The following FNDC3A variants were observed in gnomAD, a reference collection of about 807,000 sequenced individuals.
FNDC3A encodes the protein fibronectin type III domain containing 3A, also known as fibronectin type-III domain-containing protein 3A.
Under a neutral mutation model 148.9 loss-of-function variants are expected in FNDC3A, and 32 were observed. The observed-to-expected ratio is 0.21, with a 90% confidence interval of 0.16 to 0.29. FNDC3A has a LOEUF of 0.29. Ranked by LOEUF, FNDC3A falls within the 10% of genes least tolerant of loss-of-function variation. The pLI is 1.00. For synonymous variants in FNDC3A, 472 were observed against 473.6 expected (o/e 1.00, Z 0.04); for missense variants, 1,191 against 1,452.8 (o/e 0.82, Z 2.93).
chr13:49,158,953 G>A (rs1367529961), intron 8 of FNDC3A, among the ~76,000 whole-genome samples: 1 of 152,008 alleles, frequency 6.6e-6, no homozygotes, highest in African/African-American at 2.4e-5. Context: ...TATTTCTGAG[G>A]GCTCTGTTCT....
At position 49,158,242 on chromosome 13, in the gene FNDC3A, G is replaced by T. The variant is rs182147552; in HGVS notation, c.978-9002G>T. 2.8e-3 allele frequency among the ~76,000 whole-genome samples: 420 copies of T among 152,242 alleles called. 2 individuals carry two copies. The highest frequency in any genetic ancestry group is 4.6e-3 in the Non-Finnish European group (315 of 68,012). ...CTCGTGGTGCGCCGTTTTTTAAGCC[G>T]GTCGGAGAAGCGCAATATTCGGGAG... On this transcript the variant is annotated intron_variant, in intron 8 of 25. Coordinates refer to ENST00000492622, the MANE Select transcript of FNDC3A (RefSeq NM_001079673.2).
intron 2 of FNDC3A, among the ~76,000 whole-genome samples, chr13:49,049,991 A>G (rs113093055): frequency 2.0e-5 from 3 of 152,338 alleles, no homozygotes; most frequent in African/African-American, 7.2e-5. Flanking sequence ...AAGTGCTGAG[A>G]TTATAGGCGT....
intron 2 of FNDC3A, among the ~76,000 whole-genome samples, chr13:49,061,352 CCCTTACCTTCCCTTCCCTT>C (rs1876686952): frequency 1.5e-4 from 1 of 6,690 alleles, no homozygotes; most frequent in African/African-American, 1.0e-3. Flanking sequence ...CCCTTCCCTT[CCCTTACCTTCCCTTCCCTT>C]CCCTTCCCTT....
upstream of FNDC3A, chr13:48,975,887 T>G (rs1951588341): frequency 6.6e-6 from 1 of 151,152 alleles, no homozygotes; most frequent in Admixed American, 6.6e-5. Context: ...GCAGCCGCAC[T>G]CGGCGCGCCG....
chr13:49,157,650 T>C (rs1202801947), intron 8 of FNDC3A, among the ~76,000 whole-genome samples: 2 of 149,020 alleles, frequency 1.3e-5, no homozygotes, highest in Non-Finnish European at 3.0e-5. Context: ...ATCTTTGTGG[T>C]TTTATCTACT....
At chr13:49,134,745 T>C (rs147015537) in intron 5 of FNDC3A, among the ~76,000 whole-genome samples, 2 of 150,788 alleles carry the variant, frequency 1.3e-5, no homozygotes, top group African/African-American at 2.4e-5. Context: ...TCCCTAATGC[T>C]ACTAATGTTG....
At chr13:49,045,099 G>C (rs372855226) in intron 2 of FNDC3A, 6 of 132,886 alleles carry the variant, frequency 4.5e-5, no homozygotes, top group Non-Finnish European at 9.1e-5. Context: ...CTTTCCCTTT[G>C]CCTTTCCCTT....
chr13:49,015,409 T>C (rs530982322), intron 2 of FNDC3A, among the ~76,000 whole-genome samples: 63 of 152,306 alleles, frequency 4.1e-4, no homozygotes, highest in Non-Finnish European at 7.5e-4. Context: ...TTGTCTGTTG[T>C]TGGTGTATAA....
At chr13:49,002,635 G>C (rs1290796578) in intron 1 of FNDC3A, among the ~76,000 whole-genome samples, 2 of 152,118 alleles carry the variant, frequency 1.3e-5, no homozygotes, top group Non-Finnish European at 1.5e-5. Flanking sequence ...GGGAACCACT[G>C]TCCTGACTCT....
At chr13:49,005,298 A>G (rs1281946065) in intron 1 of FNDC3A, among the ~76,000 whole-genome samples, 1 of 151,902 alleles carries the variant, frequency 6.6e-6, no homozygotes, top group Non-Finnish European at 1.5e-5. Context: ...AATGCTGTAA[A>G]CATTCCAAAA....
intron 2 of FNDC3A, among the ~76,000 whole-genome samples, chr13:49,071,494 A>G (rs1417896262): frequency 6.6e-6 from 1 of 152,124 alleles, no homozygotes; most frequent in Admixed American, 6.5e-5. Flanking sequence ...ATTCCTACCA[A>G]CAGTGTAAGA....
chr13:49,158,860 C>A (rs1883900102), intron 8 of FNDC3A, among the ~76,000 whole-genome samples: 1 of 152,168 alleles, frequency 6.6e-6, no homozygotes, highest in African/African-American at 2.4e-5. Context: ...TTCCCAGCAC[C>A]ATTTATTAAA....
intron 5 of FNDC3A, among the ~76,000 whole-genome samples, chr13:49,135,947 G>T (rs1054529656): frequency 6.6e-6 from 1 of 151,914 alleles, no homozygotes; most frequent in Non-Finnish European, 1.5e-5. Context: ...ATGTGTTTAA[G>T]GTTCAAAAAG....
intron 1 of FNDC3A, among the ~76,000 whole-genome samples, chr13:48,990,617 C>A (rs1013702566): frequency 4.9e-5 from 6 of 122,382 alleles, no homozygotes; most frequent in Non-Finnish European, 1.0e-4. Flanking sequence ...AAAAAATTAG[C>A]CAGGCATGGT....
At chr13:49,097,758 A>G (rs1237418785) in intron 3 of FNDC3A, among the ~76,000 whole-genome samples, 6 of 152,094 alleles carry the variant, frequency 3.9e-5, no homozygotes, top group East Asian at 1.9e-4. Context: ...TCGAAACCTT[A>G]TACATATGAT....
At chr13:49,150,137 C>T (rs527439965) in intron 8 of FNDC3A, among the ~76,000 whole-genome samples, 83 of 152,120 alleles carry the variant, frequency 5.5e-4, no homozygotes, top group South Asian at 2.1e-3. Flanking sequence ...TGGCATCTTG[C>T]GATGTTGCCT....
At chr13:48,986,586 C>G (rs142974040) in intron 1 of FNDC3A, among the ~76,000 whole-genome samples, 212 of 151,664 alleles carry the variant, frequency 1.4e-3, no homozygotes, top group African/African-American at 5.0e-3. Flanking sequence ...TTAGTGGAAA[C>G]GGGGTTTCAC....
chr13:49,067,473 G>T (rs1877342856), intron 2 of FNDC3A, among the ~76,000 whole-genome samples: 1 of 152,118 alleles, frequency 6.6e-6, no homozygotes, highest in Admixed American at 6.5e-5. Flanking sequence ...GGGTAAGGTG[G>T]ATGTAAAGCA....
intron 9 of FNDC3A, among the ~76,000 whole-genome samples, chr13:49,168,018 G>A (rs1884565308): frequency 6.6e-6 from 1 of 152,162 alleles, no homozygotes; most frequent in Non-Finnish European, 1.5e-5. Flanking sequence ...GAAGAACTTA[G>A]ATAATGTTTT....
Sources: gnomAD v4.1 joint callset for allele counts (sites outside exome capture counted in the v4.1 genomes callset) on GRCh38, gnomAD v4.1.1 for gene constraint, MANE v1.5 for transcripts, NCBI Gene and HGNC (gene_info 2026-07-23, HGNC 2026-07-21) for gene names.